Variants in KATNAL2 observed in about 807,000 individuals in gnomAD.
KATNAL2 encodes katanin p60 ATPase-containing subunit A-like 2.
A neutral mutation model predicts 76.3 loss-of-function variants in KATNAL2; 52 were observed. That is an observed-to-expected ratio of 0.68 (90% confidence interval 0.55 to 0.86). KATNAL2 has a LOEUF of 0.86. KATNAL2 is among the 40% of genes least tolerant of loss of function. The probability of loss-of-function intolerance (pLI) is 0.00; values close to 1 mark genes in which losing one functional copy is unlikely to be tolerated. For missense variants in KATNAL2, 660 were observed against 668.9 expected, an observed-to-expected ratio of 0.99 and a Z score of 0.15; for synonymous variants, 243 against 244.2, an observed-to-expected ratio of 1.00 and a Z score of 0.05.
chr18:46,951,307 G>A (rs1277136271), intron 3 of KATNAL2, among the ~76,000 whole-genome samples: 1 of 151,828 alleles, frequency 6.6e-6, no homozygotes, highest in Admixed American at 6.6e-5. Flanking sequence ...TTCTTCTTTG[G>A]TTTACTTTTC....
intron 3 of KATNAL2, among the ~76,000 whole-genome samples, chr18:46,955,159 T>TTTCTTTCTTTCTTTCTTTCTTTCA: frequency 6.8e-6 from 1 of 146,492 alleles, no homozygotes; most frequent in Non-Finnish European, 1.5e-5. Flanking sequence ...TCTTTCTTTC[T>TTTCTTTCTTTCTTTCTTTCTTTCA]TTCTTTCTTT....
At chr18:47,044,624 G>A (rs571139732) in intron 3 of KATNAL2, among the ~76,000 whole-genome samples, 20 of 152,076 alleles carry the variant, frequency 1.3e-4, no homozygotes, top group Middle Eastern at 3.4e-3. Flanking sequence ...AGCCGGGTGT[G>A]GTAGCGGGCT....
intron 13 of KATNAL2, among the ~76,000 whole-genome samples, chr18:47,071,818 T>C (rs2062011067): frequency 6.6e-6 from 1 of 151,608 alleles, no homozygotes; most frequent in South Asian, 2.1e-4. Context: ...TTGTATTTAC[T>C]TAAAGTTTTC....
At chr18:47,085,969 T>C (rs1317333342) in intron 15 of KATNAL2, among the ~76,000 whole-genome samples, 1 of 151,920 alleles carries the variant, frequency 6.6e-6, no homozygotes, top group African/African-American at 2.4e-5. Context: ...GGTGTGTGCC[T>C]ATAGTCCCAG....
intron 3 of KATNAL2, among the ~76,000 whole-genome samples, chr18:46,952,502 C>T (rs139865337): frequency 0.013 from 1,906 of 146,132 alleles, 37 homozygotes; most frequent in African/African-American, 0.045. Flanking sequence ...CGGGTTCAAG[C>T]GATTCTCCTG....
chr18:47,067,492 C>T (rs2061850140), intron 11 of KATNAL2, among the ~76,000 whole-genome samples: 1 of 152,132 alleles, frequency 6.6e-6, no homozygotes, highest in Non-Finnish European at 1.5e-5. Flanking sequence ...CCTTCCTTTA[C>T]ACCCCTGCCC....
At chr18:47,039,392 C>G (rs1203331060) in intron 3 of KATNAL2, among the ~76,000 whole-genome samples, 1 of 152,178 alleles carries the variant, frequency 6.6e-6, no homozygotes, top group African/African-American at 2.4e-5. Flanking sequence ...CCCCTCCACC[C>G]ACTGCCTCCT....
intron 13 of KATNAL2, 81 bp from the exon 14 acceptor site, chr18:47,075,196 C>A: frequency 9.4e-7 from 1 of 1,068,280 alleles, no homozygotes; most frequent in Non-Finnish European, 1.3e-6. Flanking sequence ...TTATTACAGT[C>A]ATTCTAAGTT....
chr18:46,944,933 T>A (rs996663785), intron 1 of KATNAL2, among the ~76,000 whole-genome samples: 2 of 151,762 alleles, frequency 1.3e-5, no homozygotes, highest in African/African-American at 4.8e-5. Context: ...TCTCAAAAAA[T>A]AAATAAATAA....
In KATNAL2 at chr18:47,033,515, A is replaced by C. The variant is rs1441056731; in HGVS notation, c.52-12942A>C. The C allele has an allele frequency of 7.4e-6, 12 of 1,614,000 alleles. No homozygotes were observed. The highest frequency in any genetic ancestry group is 8.5e-6 in the Non-Finnish European group (10 of 1,180,010). On this transcript the variant is annotated intron_variant, in intron 3 of 17. Transcript: ENST00000683218. ...TCCTGGAAACAATGATTCCTCCGTA[A>C]TTCGTCTGTCTCTCTAACGAGTGCG...
At chr18:47,040,800 G>A (rs1030254112) in intron 3 of KATNAL2, among the ~76,000 whole-genome samples, 1 of 152,126 alleles carries the variant, frequency 6.6e-6, no homozygotes, top group Non-Finnish European at 1.5e-5. Context: ...AAAAAAGAAT[G>A]TGACCAAAAT....
intron 1 of KATNAL2, among the ~76,000 whole-genome samples, chr18:46,924,216 A>G (rs1599297426): frequency 6.6e-6 from 1 of 152,192 alleles, no homozygotes; most frequent in Non-Finnish European, 1.5e-5. Flanking sequence ...TAGGTCTAAC[A>G]TTTAAGTCTT....
rs2146410935 is a variant in KATNAL2 at position 46,917,617 on chromosome 18, A to T, written c.-819A>T. On this transcript the variant is annotated 5_prime_UTR_variant, in exon 1 of 18. Coordinates refer to ENST00000683218, the MANE Select transcript of KATNAL2 (RefSeq NM_001387690.1). ...CCGCGCCTTCAGTCCGCGCGGCGAC[A>T]GCGCCCGCCCGCGCCTGCCCCGGCG... 2 of 956,466 alleles carry T rather than the reference A, an allele frequency of 2.1e-6. No homozygotes were observed. Among genetic ancestry groups the T allele is most frequent in the Middle Eastern group, 5.1e-4 (1 of 1,968 alleles). The allele number at this position is 956,466 out of a possible 1,614,324, so 59.2% of individuals were successfully genotyped here.
intron 3 of KATNAL2, among the ~76,000 whole-genome samples, chr18:47,041,346 C>T (rs749801913): frequency 2.1e-4 from 32 of 152,286 alleles, no homozygotes; most frequent in Admixed American, 1.9e-3. Context: ...AAATCTTGTA[C>T]TCTACCTATT....
At chr18:46,939,323 A>G (rs542375338) in intron 1 of KATNAL2, among the ~76,000 whole-genome samples, 2 of 147,064 alleles carry the variant, frequency 1.4e-5, no homozygotes, top group East Asian at 4.0e-4. Context: ...GCAGAATGAG[A>G]CTGCATCTCA....
At chr18:47,049,048 C>T (rs112501636) in intron 4 of KATNAL2, among the ~76,000 whole-genome samples, 3,920 of 152,118 alleles carry the variant, frequency 0.026, 62 homozygotes, top group Non-Finnish European at 0.041. Flanking sequence ...TGGTCTCGAT[C>T]TCCTGCCCTC....
At chr18:47,077,935 A>C (rs548660013) in intron 15 of KATNAL2, among the ~76,000 whole-genome samples, 1 of 152,114 alleles carries the variant, frequency 6.6e-6, no homozygotes, top group East Asian at 1.9e-4. Context: ...TCAGAGTCTT[A>C]TTTAAACAGT....
At chr18:47,055,697 A>G (rs747793571) in intron 6 of KATNAL2, among the ~76,000 whole-genome samples, 1 of 152,266 alleles carries the variant, frequency 6.6e-6, no homozygotes, top group Non-Finnish European at 1.5e-5. Flanking sequence ...GCTTGTGCAT[A>G]GAAATCATGA....
intron 4 of KATNAL2, among the ~76,000 whole-genome samples, chr18:47,050,353 T>A (rs1239223673): frequency 6.6e-6 from 1 of 152,202 alleles, no homozygotes; most frequent in East Asian, 1.9e-4. Flanking sequence ...GCATAGCCAT[T>A]GAGGAACTTA....
Sources: gnomAD v4.1 joint callset for allele counts (sites outside exome capture counted in the v4.1 genomes callset) on GRCh38, gnomAD v4.1.1 for gene constraint, MANE v1.5 for transcripts, NCBI Gene and HGNC (gene_info 2026-07-23, HGNC 2026-07-21) for gene names.